Variants in MGAT4C observed in about 807,000 individuals in gnomAD.
MGAT4C encodes the protein MGAT4 family member C.
In MGAT4C, 19 loss-of-function variants were observed where a neutral mutation model predicts 40.1. That is an observed-to-expected ratio of 0.47 (90% confidence interval 0.33 to 0.70). The LOEUF is 0.70. MGAT4C is among the 30% of genes least tolerant of loss of function. The pLI is 0.02. For missense variants in MGAT4C, 491 were observed against 563.2 expected, an observed-to-expected ratio of 0.87 and a Z score of 1.30; for synonymous variants, 181 against 187.1, an observed-to-expected ratio of 0.97 and a Z score of 0.27.
intron 3 of MGAT4C, among the ~76,000 whole-genome samples, chr12:86,356,640 A>C (rs976770756): frequency 2.0e-5 from 3 of 152,138 alleles, no homozygotes; most frequent in Non-Finnish European, 4.4e-5. Context: ...GGGCTTTTCC[A>C]AGGGTCTTAG....
intron 2 of MGAT4C, among the ~76,000 whole-genome samples, chr12:86,467,525 A>G (rs1487127660): frequency 1.3e-5 from 2 of 152,146 alleles, no homozygotes; most frequent in Non-Finnish European, 2.9e-5. Context: ...ACACACACAT[A>G]CACAGAATAA....
At chr12:86,083,745 G>A (rs1280137337) in intron 1 of MGAT4C, among the ~76,000 whole-genome samples, 1 of 152,028 alleles carries the variant, frequency 6.6e-6, no homozygotes, top group Non-Finnish European at 1.5e-5. Context: ...CTACATGGCT[G>A]TCTCATTATC....
chr12:86,268,879 AAAAG>A (rs1256330301), intron 4 of MGAT4C, among the ~76,000 whole-genome samples: 2 of 145,134 alleles, frequency 1.4e-5, no homozygotes, highest in Admixed American at 6.9e-5. Context: ...TTTAAAATAA[AAAAG>A]AAAGGGTGTT....
chr12:86,711,731 A>T lies in MGAT4C; in HGVS notation c.-229+15478T>A, dbSNP rs559774384. Among the ~76,000 whole-genome samples, 13 of 152,288 alleles carry T rather than the reference A, an allele frequency of 8.5e-5. No homozygotes were observed. In the East Asian group the frequency reaches 2.5e-3, roughly 29 times the overall value. ...TTTAAATTAAATTGCTAATATATTA[A>T]ATTACACAAAAACGAAGAATTTAAT... is the stretch of plus-strand genomic sequence containing the variant. On this transcript the variant is annotated intron_variant, in intron 2 of 7. Coordinates refer to the MGAT4C transcript ENST00000548651.
intron 1 of MGAT4C, among the ~76,000 whole-genome samples, chr12:86,156,902 A>T (rs1885010025): frequency 6.6e-6 from 1 of 152,074 alleles, no homozygotes; most frequent in South Asian, 2.1e-4. Flanking sequence ...AAATAGCTTA[A>T]TTTTTTTTAA....
chr12:86,251,489 G>A (rs921890503), intron 1 of MGAT4C, among the ~76,000 whole-genome samples: 1 of 152,028 alleles, frequency 6.6e-6, no homozygotes, highest in Non-Finnish European at 1.5e-5. Flanking sequence ...GTCTTTAAAA[G>A]CATCTGCTCT....
intron 2 of MGAT4C, among the ~76,000 whole-genome samples, chr12:86,439,919 A>AT (rs1957198795): frequency 6.6e-6 from 1 of 152,126 alleles, no homozygotes; most frequent in Admixed American, 6.6e-5. Flanking sequence ...TCTTAGCTTG[A>AT]ATCAGGAAGA....
intron 1 of MGAT4C, among the ~76,000 whole-genome samples, chr12:86,066,893 T>C (rs1417724759): frequency 6.6e-6 from 1 of 151,628 alleles, no homozygotes; most frequent in African/African-American, 2.4e-5. Flanking sequence ...AAAAAGTAGG[T>C]GAAGGATATG....
Position 86,559,710 on chromosome 12 carries a change from A to T in MGAT4C, c.-228-124445T>A, listed in dbSNP as rs182493045. ...CCTACATCAAAAAGGATAAATTTTAAATAAACAATCTAATGATGTATCTCA... is the reference window on the plus strand; with the variant it reads ...CCTACATCAAAAAGGATAAATTTTATATAAACAATCTAATGATGTATCTCA... On this transcript the variant is annotated intron_variant, in intron 2 of 7. Transcript: ENST00000548651. Among the ~76,000 whole-genome samples the T allele has an allele frequency of 3.0e-3, 456 of 152,142 alleles. 3 individuals carry two copies. Among genetic ancestry groups the T allele is most frequent in the Non-Finnish European group, 3.0e-3 (206 of 67,894 alleles).
At chr12:86,606,153 G>T (rs899607508) in intron 2 of MGAT4C, among the ~76,000 whole-genome samples, 1 of 152,032 alleles carries the variant, frequency 6.6e-6, no homozygotes, top group Non-Finnish European at 1.5e-5. Context: ...CCATGATTCA[G>T]TTACCTTCAC....
At chr12:86,793,541 AGAT>A (rs1269255643) in intron 1 of MGAT4C, among the ~76,000 whole-genome samples, 2 of 152,080 alleles carry the variant, frequency 1.3e-5, no homozygotes, top group Non-Finnish European at 2.9e-5. Flanking sequence ...GATAAAACCT[AGAT>A]GATTTTAAAA....
chr12:86,091,324 G>A (rs1872841112), intron 1 of MGAT4C, among the ~76,000 whole-genome samples: 2 of 151,994 alleles, frequency 1.3e-5, no homozygotes, highest in Admixed American at 1.3e-4. Context: ...CATGAATATT[G>A]TGATGGGCTG....
At chr12:86,131,960 A>G (rs1371618064) in intron 1 of MGAT4C, among the ~76,000 whole-genome samples, 1 of 152,184 alleles carries the variant, frequency 6.6e-6, no homozygotes, top group African/African-American at 2.4e-5. Context: ...ACGAGAATAG[A>G]TAACACTAAA....
At chr12:85,981,419 C>T (rs980596969) in intron 4 of MGAT4C, among the ~76,000 whole-genome samples, 7 of 151,952 alleles carry the variant, frequency 4.6e-5, no homozygotes, top group Non-Finnish European at 7.4e-5. Flanking sequence ...CTGTATAATG[C>T]GGTTTGTATG....
chr12:86,399,439 AC>A (rs1565733126), intron 3 of MGAT4C, among the ~76,000 whole-genome samples: 2 of 142,336 alleles, frequency 1.4e-5, no homozygotes, highest in Admixed American at 1.4e-4. Context: ...CCGCCACCAC[AC>A]CCGGCTAATT....
intron 4 of MGAT4C, among the ~76,000 whole-genome samples, chr12:86,331,241 G>A (rs76799973): frequency 6.6e-6 from 1 of 152,168 alleles, no homozygotes; most frequent in Admixed American, 6.6e-5. Flanking sequence ...CCAAGCGGTT[G>A]CATCCCTTCT....
intron 2 of MGAT4C, among the ~76,000 whole-genome samples, chr12:86,674,159 A>G (rs1964332871): frequency 6.6e-6 from 1 of 152,202 alleles, no homozygotes; most frequent in Admixed American, 6.5e-5. Flanking sequence ...TAAATATACA[A>G]ATACAAAAAT....
In MGAT4C at chr12:86,032,457, C is replaced by T. The variant is rs1336721620; in HGVS notation, c.-7+17217G>A. 1.3e-4 allele frequency among the ~76,000 whole-genome samples: 20 copies of T among 149,238 alleles called. 2 individuals carry two copies. Among genetic ancestry groups the T allele is most frequent in the Admixed American group, 6.1e-4 (9 of 14,818 alleles). On this transcript the variant is annotated intron_variant, in intron 2 of 4. Coordinates refer to ENST00000611864, the MANE Select transcript of MGAT4C (RefSeq NM_001351288.2). ...TTTGACTTTTTAATAATAGCCATTA[C>T]GACTGGTGTGAGTTGGTATCTCATT...
intron 1 of MGAT4C, among the ~76,000 whole-genome samples, chr12:86,173,517 G>C (rs1242081558): frequency 1.3e-5 from 2 of 151,820 alleles, no homozygotes; most frequent in African/African-American, 2.4e-5. Flanking sequence ...GCAGGAATTG[G>C]TCGCAATGAG....
Sources: allele counts gnomAD v4.1 joint callset (sites outside exome capture counted in the v4.1 genomes callset), GRCh38; gene constraint gnomAD v4.1.1; transcripts MANE v1.5; gene names NCBI Gene and HGNC (gene_info 2026-07-23, HGNC 2026-07-21).